PPFIA1: variants seen among roughly 807,000 people sequenced by gnomAD.
PPFIA1 encodes liprin-alpha-1.
A neutral mutation model predicts 149.9 loss-of-function variants in PPFIA1; 25 were observed. The observed-to-expected ratio is 0.17, with a 90% CI of 0.12 to 0.23. PPFIA1 has a LOEUF of 0.23. Among genes scored for constraint, PPFIA1 ranks in the 10% least tolerant of loss-of-function variants. The probability of loss-of-function intolerance (pLI) is 1.00; values close to 1 mark genes in which losing one functional copy is unlikely to be tolerated. For missense variants in PPFIA1, 1,362 were observed against 1,506.5 expected, an observed-to-expected ratio of 0.90 and a Z score of 1.59; for synonymous variants, 549 against 552.8, an observed-to-expected ratio of 0.99 and a Z score of 0.10.
rs2057135239 is a variant in PPFIA1, at chr11:70,369,826, A to G, written c.2866-2389A>G. ...GTCATTTTGTGTTTGTTTTTGAGAC[A>G]AGGTCTCGCTGTGTTGCCCAGGCTG... is the stretch of plus-strand genomic sequence containing the variant. On this transcript the variant is annotated intron_variant, in intron 21 of 27. Transcript: ENST00000253925. Among the ~76,000 whole-genome samples the G allele has an allele frequency of 2.0e-5, 3 of 152,256 alleles. No homozygotes were observed. In the South Asian group the frequency reaches 6.2e-4, roughly 32 times the overall value.
At chr11:70,321,630 A>T (rs904108685) in intron 2 of PPFIA1, among the ~76,000 whole-genome samples, 1 of 152,256 alleles carries the variant, frequency 6.6e-6, no homozygotes, top group African/African-American at 2.4e-5. Flanking sequence ...AAGAAAAAGA[A>T]AAAGGAAGAA....
rs1332570807 is a variant in PPFIA1 at position 70,372,438 on chromosome 11, G to GT, written c.3042-37dup. On this transcript the variant is annotated intron_variant, in intron 22 of 27. Coordinates refer to ENST00000253925, the MANE Select transcript of PPFIA1 (RefSeq NM_003626.5). The stretch of plus-strand genomic sequence containing the variant: ...TAATAATTGGCTAAGATTTTTCACT[G>GT]TTACCATCTCTAAATCATCTCTCTT... 1.9e-6 allele frequency: 3 copies of GT among 1,612,884 alleles called. No homozygotes were observed. In the Admixed American group the frequency reaches 5.0e-5, roughly 27 times the overall value.
chr11:70,296,367 G>A (rs961650977), intron 2 of PPFIA1, among the ~76,000 whole-genome samples: 45 of 152,064 alleles, frequency 3.0e-4, no homozygotes, highest in Non-Finnish European at 4.7e-4. Flanking sequence ...CCGAGATCAC[G>A]CCACTGCACT....
At chr11:70,380,193 A>T (rs1457537300) in intron 26 of PPFIA1, among the ~76,000 whole-genome samples, 2 of 147,816 alleles carry the variant, frequency 1.4e-5, no homozygotes, top group African/African-American at 5.0e-5. Context: ...GGATCAGCTG[A>T]GGTCAGGAGT....
intron 2 of PPFIA1, among the ~76,000 whole-genome samples, chr11:70,295,762 G>T (rs908396481): frequency 6.7e-6 from 1 of 149,238 alleles, no homozygotes; most frequent in Non-Finnish European, 1.5e-5. Context: ...CCTCCCAGAC[G>T]GGACGGCTGG....
intron 19 of PPFIA1, chr11:70,358,448 C>T (rs1438017523): frequency 6.6e-6 from 1 of 152,176 alleles, no homozygotes; most frequent in Non-Finnish European, 1.5e-5. Flanking sequence ...GTTTCGAATT[C>T]CTGACCTGAA....
intron 17 of PPFIA1, 131 bp downstream of exon 17, chr11:70,354,583 T>A: frequency 1.0e-6 from 1 of 1,001,186 alleles, no homozygotes; most frequent in Non-Finnish European, 1.4e-6. Context: ...TTGAGTGTAT[T>A]TACATGTTAC....
intron 16 of PPFIA1, among the ~76,000 whole-genome samples, chr11:70,350,390 T>A (rs2055986081): frequency 6.6e-6 from 1 of 152,232 alleles, no homozygotes; most frequent in Non-Finnish European, 1.5e-5. Context: ...CTCTAATAGG[T>A]TATTTTTAAA....
intron 21 of PPFIA1, 24 bp from the exon 22 acceptor site, chr11:70,372,191 A>T: frequency 6.3e-7 from 1 of 1,585,630 alleles, no homozygotes; most frequent in Non-Finnish European, 8.6e-7. Flanking sequence ...TCTGTAACTG[A>T]CCTTTTCCAT....
At position 70,348,382 on chromosome 11, in the gene PPFIA1, C is replaced by G. The variant is rs773407607; in HGVS notation, c.2125C>G (p.Pro709Ala). The G allele has an allele frequency of 1.4e-5, 22 of 1,613,716 alleles. No individual in the cohort carries two copies. The East Asian group carries it at 4.7e-4, about 34-fold the overall frequency. The stretch of plus-strand genomic sequence containing the variant: ...CACCCCACGAAGGATCCCTCACAGC[C>G]CAGCTCGGGAAGTGGACAGACTGGG... The part of the protein sequence containing the change: ...RSTPRRIPHS[P>A]AREVDRLGVM... The change falls in exon 16 of 28, where the codon CCA (proline) becomes GCA (alanine). Residue 709 changes from proline (P) to alanine (A), a missense_variant. Coordinates refer to ENST00000253925, the MANE Select transcript of PPFIA1 (RefSeq NM_003626.5).
intron 16 of PPFIA1, among the ~76,000 whole-genome samples, chr11:70,351,350 C>T (rs548049518): frequency 1.3e-5 from 2 of 152,082 alleles, no homozygotes; most frequent in Non-Finnish European, 2.9e-5. Flanking sequence ...AATGTAGATG[C>T]GGGGGGACCC....
chr11:70,312,449 C>G (rs189929602), intron 2 of PPFIA1, among the ~76,000 whole-genome samples: 9 of 152,244 alleles, frequency 5.9e-5, no homozygotes, highest in East Asian at 1.9e-4. Context: ...CCCGAGCCCC[C>G]CAAAGTGCTG....
chr11:70,303,980 T>C (rs561707348), intron 2 of PPFIA1, among the ~76,000 whole-genome samples: 1 of 151,922 alleles, frequency 6.6e-6, no homozygotes, highest in African/African-American at 2.4e-5. Flanking sequence ...CACTCCAGCC[T>C]GGGAGATAGC....
chr11:70,375,185 A>C, intron 24 of PPFIA1, 92 bp downstream of exon 24: 2 of 385,762 alleles, frequency 5.2e-6, no homozygotes, highest in African/African-American at 4.5e-5. Flanking sequence ...AAACTTTAAA[A>C]AAAAAAAAAA....
intron 26 of PPFIA1, chr11:70,378,659 C>T (rs1254562549): frequency 1.1e-5 from 2 of 176,014 alleles, no homozygotes; most frequent in Non-Finnish European, 2.2e-5. Flanking sequence ...TGCTTTCTGC[C>T]CTCCCTGCTG....
intron 2 of PPFIA1, among the ~76,000 whole-genome samples, chr11:70,298,047 G>C (rs530783667): frequency 6.6e-6 from 1 of 152,248 alleles, no homozygotes; most frequent in South Asian, 2.1e-4. Flanking sequence ...AGGAAAAAAT[G>C]CCATGTGATT....
At position 70,343,669 on chromosome 11, in the gene PPFIA1, G is replaced by T. The variant is rs2055493624; in HGVS notation, c.1708G>T (p.Val570Leu). Residue 570 changes from valine (V) to leucine (L), a missense_variant and splice_region_variant, in exon 15 of 28, where the codon GTA (valine) becomes TTA (leucine). Physicochemically the swap from Val to Leu is conservative, Grantham distance 32. Around this residue, in one of 7 missense-constraint regions of PPFIA1, gnomAD observed 733 missense variants for 744.1 expected, o/e 0.99. Coordinates refer to ENST00000253925, the MANE Select transcript of PPFIA1 (RefSeq NM_003626.5). ...TGAGATTTGGTTTTCTTGTTTATAG[G>T]TACAAACTCTTAATGAGCAGGATTG... Reference protein sequence around the residue: ...LAALRDEPSKVQTLNEQDWER... With the variant: ...LAALRDEPSKLQTLNEQDWER... The T allele has an allele frequency of 6.2e-7, 1 of 1,613,740 alleles. No individual in the cohort carries two copies. The highest frequency in any genetic ancestry group is 1.3e-5 in the African/African-American group (1 of 74,896).
intron 2 of PPFIA1, among the ~76,000 whole-genome samples, chr11:70,295,452 C>A (rs1420334590): frequency 2.1e-5 from 3 of 142,884 alleles, no homozygotes; most frequent in African/African-American, 7.9e-5. Context: ...CCAGTAGGGG[C>A]AGCCGGGCAG....
Position 70,382,105 on chromosome 11 carries a change from CAG to C in PPFIA1, c.3571_3572del (p.Arg1191ValfsTer25). 1 of 1,614,072 alleles carries C rather than the reference CAG, an allele frequency of 6.2e-7. No homozygotes were observed. The highest frequency in any genetic ancestry group is 8.5e-7 in the Non-Finnish European group (1 of 1,180,012). On this transcript the variant is annotated frameshift_variant, in exon 27 of 28. Transcript: ENST00000253925. LOFTEE classifies it high-confidence loss of function. ...MQMDGNVSGT[Q>X]RLDSATVRTY... ...TGAAACAGGCAATGTATCAGGAACA[CAG>C]AGGTTGGATTCTGCTACAGTCAGGA...
Sources: allele counts gnomAD v4.1 joint callset (sites outside exome capture counted in the v4.1 genomes callset), GRCh38; gene constraint gnomAD v4.1.1; regional missense constraint gnomAD v4.1.1; transcripts MANE v1.5; gene names NCBI Gene and HGNC (gene_info 2026-07-23, HGNC 2026-07-21).